Variants in SLC22A2 observed in about 807,000 individuals in gnomAD.
SLC22A2 encodes solute carrier family 22 member 2.
Under a neutral mutation model 60.5 loss-of-function variants are expected in SLC22A2, and 46 were observed. The ratio of observed to expected loss-of-function variants is 0.76; its 90% CI spans 0.60 to 0.97. The LOEUF (loss-of-function observed/expected upper bound fraction) is 0.97. Ranked by LOEUF, SLC22A2 falls within the 50% of genes least tolerant of loss-of-function variation. The pLI is 0.00. For missense variants in SLC22A2, 701 were observed against 706.6 expected (o/e 0.99, Z 0.09); for synonymous variants, 303 against 267.0 (o/e 1.13, Z -1.31).
intron 9 of SLC22A2, among the ~76,000 whole-genome samples, chr6:160,240,452 A>G (rs1782980904): frequency 1.3e-5 from 2 of 152,166 alleles, no homozygotes; most frequent in Non-Finnish European, 2.9e-5. Flanking sequence ...TAGTTTTAGA[A>G]GCTAAGCTTA....
At chr6:160,258,154 C>A (rs1471366388) in intron 1 of SLC22A2, among the ~76,000 whole-genome samples, 190 bp downstream of exon 1, 1 of 152,230 alleles carries the variant, frequency 6.6e-6, no homozygotes, top group Non-Finnish European at 1.5e-5. Context: ...GACGTTTTAA[C>A]TAATCCAGTT....
At chr6:160,237,741 G>C (rs1404165600) in intron 9 of SLC22A2, among the ~76,000 whole-genome samples, 1 of 152,196 alleles carries the variant, frequency 6.6e-6, no homozygotes, top group Non-Finnish European at 1.5e-5. Context: ...TTACAGGGCT[G>C]CATTCCCAGA....
chr6:160,217,109 A>G lies in SLC22A2; in HGVS notation c.*323T>C, dbSNP rs1303321885. 4.8e-6 allele frequency: 1 copy of G among 210,508 alleles called. No homozygotes were observed. Among genetic ancestry groups the G allele is most frequent in the Non-Finnish European group, 9.3e-6 (1 of 107,368 alleles). The allele number at this position is 210,508 out of a possible 1,614,324, so 13.0% of individuals were successfully genotyped here. Reference sequence around the variant, plus strand: ...TGTTTGCCTAGCCCACAGTTCCCCTATGTATTCTGGTTAGATAGCATTGCA... The same window carrying G: ...TGTTTGCCTAGCCCACAGTTCCCCTGTGTATTCTGGTTAGATAGCATTGCA... On this transcript the variant is annotated 3_prime_UTR_variant, in exon 11 of 11. Transcript: ENST00000366953.
Position 160,258,359 on chromosome 6 carries a change from C to A in SLC22A2, c.399G>T (p.Ser133=), listed in dbSNP as rs112210325. The change falls in exon 1 of 11, where the codon TCG becomes TCT. Residue 133 remains serine, a synonymous_variant. Transcript: ENST00000366953. ...RDGWVYETPG[S]SIVTEFNLVC... is the part of the protein sequence containing the mutation. ...ACTCTCTTACCTCGGTGACGATGGA[C>A]GAGCCAGGCGTCTCGTACACCCAGC... The A allele has an allele frequency of 1.4e-4, 232 of 1,609,364 alleles. No individual in the cohort carries two copies. The African/African-American group carries it at 2.8e-3, about 19-fold the overall frequency.
At chr6:160,219,800 C>T (rs554054015) in intron 10 of SLC22A2, among the ~76,000 whole-genome samples, 96 of 152,180 alleles carry the variant, frequency 6.3e-4, no homozygotes, top group Admixed American at 4.3e-3. Context: ...ATAAAAGTTA[C>T]GGTTACACTA....
chr6:160,240,250 TTAAC>T (rs1562434801), intron 9 of SLC22A2, among the ~76,000 whole-genome samples: 1 of 152,150 alleles, frequency 6.6e-6, no homozygotes, highest in African/African-American at 2.4e-5. Context: ...TTGTGAGACT[TTAAC>T]TAGTGCCCAG....
At chr6:160,239,725 T>A (rs1782967854) in intron 9 of SLC22A2, among the ~76,000 whole-genome samples, 1 of 152,072 alleles carries the variant, frequency 6.6e-6, no homozygotes. Flanking sequence ...GAAATAGGGG[T>A]CACATATGTC....
At chr6:160,249,649 A>G (rs1389568919) in intron 3 of SLC22A2, among the ~76,000 whole-genome samples, 1 of 152,262 alleles carries the variant, frequency 6.6e-6, no homozygotes, top group Non-Finnish European at 1.5e-5. Flanking sequence ...TATAATTTTC[A>G]TGATGCAATT....
chr6:160,238,912 G>A (rs1211652763), intron 9 of SLC22A2, among the ~76,000 whole-genome samples: 4 of 152,104 alleles, frequency 2.6e-5, no homozygotes, highest in East Asian at 1.9e-4. Context: ...GAGTGACTCT[G>A]TCTTGGACAG....
intron 10 of SLC22A2, among the ~76,000 whole-genome samples, chr6:160,223,310 T>C (rs1316228689): frequency 6.6e-6 from 1 of 152,216 alleles, no homozygotes; most frequent in Non-Finnish European, 1.5e-5. Context: ...AAGTCTCCCT[T>C]CTACCTGTAT....
At chr6:160,256,464 A>G (rs1356282037) in intron 2 of SLC22A2, 150 bp downstream of exon 2, 1 of 621,048 alleles carries the variant, frequency 1.6e-6, no homozygotes, top group East Asian at 2.7e-5. Flanking sequence ...AGCAGAAGAA[A>G]TTTAAGATTG....
At chr6:160,243,337 C>T (rs1783041312) in intron 7 of SLC22A2, among the ~76,000 whole-genome samples, 1 of 152,024 alleles carries the variant, frequency 6.6e-6, no homozygotes, top group African/African-American at 2.4e-5. Flanking sequence ...TGGCCTGTAG[C>T]ATGGGGCTGT....
chr6:160,223,444 T>C (rs1782673454), intron 10 of SLC22A2, among the ~76,000 whole-genome samples: 1 of 152,254 alleles, frequency 6.6e-6, no homozygotes, highest in African/African-American at 2.4e-5. Context: ...TATACATTTC[T>C]ATGTTTTGCT....
intron 9 of SLC22A2, among the ~76,000 whole-genome samples, chr6:160,234,646 T>C (rs1782882092): frequency 6.6e-6 from 1 of 152,272 alleles, no homozygotes; most frequent in Non-Finnish European, 1.5e-5. Flanking sequence ...ACATGGCAGT[T>C]CTTTCTCTTG....
chr6:160,231,909 GAC>G (rs1782831501), intron 9 of SLC22A2, among the ~76,000 whole-genome samples: 2 of 151,804 alleles, frequency 1.3e-5, no homozygotes, highest in Admixed American at 1.3e-4. Flanking sequence ...CTTATACAAG[GAC>G]CAGGACTGCG....
chr6:160,241,776 C>T (rs1004759241), intron 8 of SLC22A2, among the ~76,000 whole-genome samples, 190 bp from the exon 9 acceptor site: 6 of 150,522 alleles, frequency 4.0e-5, no homozygotes, highest in South Asian at 2.2e-4. Flanking sequence ...AACCATATAC[C>T]ACCTGTTTCC....
chr6:160,253,437 G>T (rs924153259), intron 2 of SLC22A2, among the ~76,000 whole-genome samples: 1 of 152,140 alleles, frequency 6.6e-6, no homozygotes, highest in Non-Finnish European at 1.5e-5. Context: ...AAACCGACAT[G>T]GTGCACTGGT....
intron 9 of SLC22A2, among the ~76,000 whole-genome samples, chr6:160,235,609 ATATTGGCTAAAGTTAAAGGGGTAT>A (rs1419621191): frequency 7.4e-6 from 1 of 134,990 alleles, no homozygotes; most frequent in African/African-American, 2.7e-5. Context: ...GTGTGTGAAT[ATATTGGCTAAAGTTAAAGGGGTAT>A]CATTCAGTTT....
At chr6:160,247,418 C>A (rs112425400) in intron 4 of SLC22A2, 120 bp from the exon 5 acceptor site, 43 of 631,520 alleles carry the variant, frequency 6.8e-5, no homozygotes, top group South Asian at 3.2e-4. Context: ...AAGAAAATAA[C>A]ACTCGTGTAG....
Sources: allele counts gnomAD v4.1 joint callset (sites outside exome capture counted in the v4.1 genomes callset), GRCh38; gene constraint gnomAD v4.1.1; transcripts MANE v1.5; gene names NCBI Gene and HGNC (gene_info 2026-07-23, HGNC 2026-07-21).